Variants in CCDC30 observed in about 807,000 individuals in gnomAD.
CCDC30 encodes the protein coiled-coil domain-containing protein 30.
A neutral mutation model predicts 100.2 loss-of-function variants in CCDC30; 70 were observed. That is an observed-to-expected ratio of 0.70 (90% CI 0.58 to 0.85). The LOEUF is 0.85. CCDC30 is among the 40% of genes least tolerant of loss of function. The pLI, the probability that CCDC30 is intolerant of heterozygous loss-of-function variation, is 0.00. For synonymous variants in CCDC30, 233 were observed against 269.5 expected (o/e 0.86, Z 1.33); for missense variants, 652 against 771.2 (o/e 0.85, Z 1.83).
intron 11 of CCDC30, among the ~76,000 whole-genome samples, chr1:42,617,675 C>G (rs1216451330): frequency 6.6e-6 from 1 of 152,184 alleles, no homozygotes; most frequent in East Asian, 1.9e-4. Context: ...AAGCTGTCCT[C>G]TTGCACTGAG....
intron 6 of CCDC30, among the ~76,000 whole-genome samples, chr1:42,510,543 G>C (rs1644461618): frequency 6.6e-6 from 1 of 152,020 alleles, no homozygotes; most frequent in South Asian, 2.1e-4. Flanking sequence ...TGTGGTCCCA[G>C]CTACTTGGGA....
At chr1:42,540,676 T>TACACACACAC (rs60125557) in intron 6 of CCDC30, among the ~76,000 whole-genome samples, 13 of 150,438 alleles carry the variant, frequency 8.6e-5, no homozygotes, top group South Asian at 4.2e-4. Flanking sequence ...CACATACACA[T>TACACACACAC]ACACACACAC....
At chr1:42,474,242 G>A (rs1191400161) in intron 1 of CCDC30, among the ~76,000 whole-genome samples, 1 of 152,168 alleles carries the variant, frequency 6.6e-6, no homozygotes, top group African/African-American at 2.4e-5. Flanking sequence ...GGGGTGAAAA[G>A]TTGCCTTTAG....
chr1:42,619,032 T>C (rs1008464199), intron 11 of CCDC30, among the ~76,000 whole-genome samples: 1 of 152,190 alleles, frequency 6.6e-6, no homozygotes, highest in Non-Finnish European at 1.5e-5. Context: ...ATGTAGTTCC[T>C]ATGCTGAGTA....
chr1:42,543,859 A>G (rs918607116), intron 6 of CCDC30, among the ~76,000 whole-genome samples: 5 of 152,230 alleles, frequency 3.3e-5, no homozygotes, highest in Admixed American at 6.5e-5. Context: ...GAAAAGGCAT[A>G]GGAAACCAAA....
intron 11 of CCDC30, among the ~76,000 whole-genome samples, chr1:42,627,797 T>C (rs1646960470): frequency 6.6e-6 from 1 of 152,222 alleles, no homozygotes; most frequent in African/African-American, 2.4e-5. Flanking sequence ...AACCTCCACC[T>C]AGATTTCAGA....
At chr1:42,519,450 A>G (rs539408639) in intron 6 of CCDC30, among the ~76,000 whole-genome samples, 12 of 152,146 alleles carry the variant, frequency 7.9e-5, no homozygotes, top group Non-Finnish European at 1.5e-4. Flanking sequence ...TTACTGATTC[A>G]TTCTTCTTAC....
chr1:42,638,737 A>G (rs1647213193), intron 12 of CCDC30, among the ~76,000 whole-genome samples: 2 of 152,000 alleles, frequency 1.3e-5, no homozygotes, highest in East Asian at 1.9e-4. Context: ...TTAGCCGAGC[A>G]TGGTGGCACA....
chr1:42,566,506 G>A, intron 7 of CCDC30, 31 bp downstream of exon 11: 1 of 1,581,524 alleles, frequency 6.3e-7, no homozygotes, highest in Non-Finnish European at 8.7e-7. Flanking sequence ...CTTTATGGAA[G>A]GGTTTCAGTT....
intron 10 of CCDC30, among the ~76,000 whole-genome samples, chr1:42,603,984 C>CT (rs1254591800): frequency 2.0e-5 from 3 of 152,220 alleles, no homozygotes; most frequent in African/African-American, 7.2e-5. Context: ...CTTTAGAAGG[C>CT]TGAGGTGGGA....
intron 6 of CCDC30, among the ~76,000 whole-genome samples, chr1:42,508,444 GAAGT>G (rs747608729): frequency 2.0e-4 from 31 of 152,176 alleles, no homozygotes; most frequent in Non-Finnish European, 3.5e-4. Flanking sequence ...GATGTGCAAA[GAAGT>G]AAGTATCCCT....
intron 6 of CCDC30, among the ~76,000 whole-genome samples, chr1:42,548,060 A>T (rs1369673331): frequency 6.6e-6 from 1 of 152,170 alleles, no homozygotes; most frequent in East Asian, 1.9e-4. Context: ...AAGAGAAAGC[A>T]TGGTTTGTTT....
At chr1:42,582,488 A>G (rs1385149095) in intron 9 of CCDC30, among the ~76,000 whole-genome samples, 1 of 152,234 alleles carries the variant, frequency 6.6e-6, no homozygotes, top group African/African-American at 2.4e-5. Context: ...TTCCCCATCA[A>G]AACTCTTGGA....
chr1:42,638,331 C>T (rs1309442877), intron 12 of CCDC30, among the ~76,000 whole-genome samples: 1 of 151,994 alleles, frequency 6.6e-6, no homozygotes, highest in East Asian at 1.9e-4. Flanking sequence ...AGCCACTGCA[C>T]TCCAGCCTGG....
At chr1:42,456,364 C>A in the CCDC30 span, 1 of 649,862 alleles carries the variant, frequency 1.5e-6, no homozygotes, top group Non-Finnish European at 2.6e-6. Context: ...GCCGGGGATC[C>A]CCCTCGTTGC....
intron 6 of CCDC30, among the ~76,000 whole-genome samples, chr1:42,545,162 TA>T (rs57060353): frequency 0.04 from 2,560 of 64,336 alleles, 88 homozygotes; most frequent in African/African-American, 0.11. Flanking sequence ...AAAATACCTT[TA>T]AAAAAAAAAA....
intron 6 of CCDC30, among the ~76,000 whole-genome samples, chr1:42,551,531 C>G (rs2148543825): frequency 6.6e-6 from 1 of 152,108 alleles, no homozygotes; most frequent in Admixed American, 6.5e-5. Flanking sequence ...GACGTGCTGG[C>G]TATAGGACAT....
chr1:42,498,315 G>C (rs934211965), intron 5 of CCDC30, among the ~76,000 whole-genome samples: 1 of 152,136 alleles, frequency 6.6e-6, no homozygotes, highest in African/African-American at 2.4e-5. Context: ...AATGGGTATA[G>C]AGTTTCAGTG....
At chr1:42,655,488 A>T (rs1648626896), downstream of CCDC30, among the ~76,000 whole-genome samples, 4 of 152,168 alleles carry the variant, frequency 2.6e-5, no homozygotes, top group South Asian at 8.3e-4. Flanking sequence ...CAGAGGTTGC[A>T]GTGAGCCGAG....
Sources: allele counts gnomAD v4.1 joint callset (sites outside exome capture counted in the v4.1 genomes callset), GRCh38; gene constraint gnomAD v4.1.1; transcripts MANE v1.5; gene names NCBI Gene and HGNC (gene_info 2026-07-23, HGNC 2026-07-21).